Variants in VRTN observed in about 807,000 individuals in gnomAD.
The protein encoded by VRTN is vertnin.
A neutral mutation model predicts 18.2 loss-of-function variants in VRTN; 5 were observed. The observed-to-expected ratio is 0.27, with a 90% CI of 0.14 to 0.58. VRTN has a LOEUF of 0.58. Among genes scored for constraint, VRTN ranks in the 20% least tolerant of loss-of-function variants. The pLI is 0.91. For missense variants in VRTN, 741 were observed against 939.4 expected (o/e 0.79, Z 2.76); for synonymous variants, 381 against 393.7 (o/e 0.97, Z 0.38).
Position 74,357,109 on chromosome 14 carries a change from T to C in VRTN, c.326T>C (p.Val109Ala). The change falls in exon 2 of 2, where the codon GTG becomes GCG. Residue 109 changes from valine to alanine, a missense_variant. Physicochemically the swap from Val to Ala is moderately conservative, Grantham distance 64. Coordinates refer to ENST00000256362, the MANE Select transcript of VRTN (RefSeq NM_018228.3). This position sits in a 1 kb window ranked among gnomAD's most constrained non-coding sequence, Gnocchi z 7.8. Reference protein sequence around the residue: ...GLSLELRARTVVEMLLHRHYY... With the variant: ...GLSLELRARTAVEMLLHRHYY... ...AGCCTGGAGCTGCGGGCCCGCACCG[T>C]GGTAGAGATGCTGCTGCACAGACAC... 1 of 1,602,134 alleles carries C rather than the reference T, an allele frequency of 6.2e-7. No homozygotes were observed. The highest frequency in any genetic ancestry group is 8.5e-7 in the Non-Finnish European group (1 of 1,176,420).
At chr14:74,334,825 T>G (rs1330965054) in intron 1 of VRTN, among the ~76,000 whole-genome samples, 1 of 152,184 alleles carries the variant, frequency 6.6e-6, no homozygotes, top group Non-Finnish European at 1.5e-5. Flanking sequence ...GCCGCCCACC[T>G]CTGAGCTCCT....
At position 74,357,066 on chromosome 14, in the gene VRTN, TG is replaced by T; in HGVS notation, c.287del (p.Gly96ValfsTer15). 1 of 1,608,678 alleles carries T rather than the reference TG, an allele frequency of 6.2e-7. No individual in the cohort carries two copies. On this transcript the variant is annotated frameshift_variant, in exon 2 of 2. Coordinates refer to ENST00000256362, the MANE Select transcript of VRTN (RefSeq NM_018228.3). LOFTEE classifies it high-confidence loss of function. The surrounding 1 kb of genome is among the most constrained non-coding windows in gnomAD (Gnocchi z 7.8). ...LLFEAASMLL[W>X]GDAGLSLELR... is the part of the protein sequence containing the mutation. ...GTTCGAGGCGGCCAGCATGCTGCTG[TG>T]GGGTGACGCAGGCCTCAGCCTGGAG...
chr14:74,315,385 A>C (rs1358173735), intron 1 of VRTN, among the ~76,000 whole-genome samples: 1 of 152,106 alleles, frequency 6.6e-6, no homozygotes, highest in Non-Finnish European at 1.5e-5. Flanking sequence ...AGCAACAGTG[A>C]TAATTCGTTC....
intron 1 of VRTN, among the ~76,000 whole-genome samples, chr14:74,323,312 G>A (rs548338463): frequency 2.0e-5 from 3 of 151,698 alleles, no homozygotes; most frequent in East Asian, 2.0e-4. Flanking sequence ...GGCTGGGGGC[G>A]GTGGCTCATG....
At chr14:74,346,153 T>A (rs991508356), upstream of VRTN, among the ~76,000 whole-genome samples, 5 of 149,802 alleles carry the variant, frequency 3.3e-5, no homozygotes, top group Non-Finnish European at 5.9e-5. Flanking sequence ...AAAAAAAAAA[T>A]TTATCTGGGC....
chr14:74,320,403 G>A (rs1215953100), intron 1 of VRTN, among the ~76,000 whole-genome samples: 1 of 149,864 alleles, frequency 6.7e-6, no homozygotes, highest in Admixed American at 6.7e-5. Context: ...TGGGACTACA[G>A]GCGCCCGCCG....
chr14:74,314,111 A>T (rs1026279619), intron 1 of VRTN, among the ~76,000 whole-genome samples: 4 of 152,190 alleles, frequency 2.6e-5, no homozygotes, highest in African/African-American at 9.7e-5. Context: ...AGAGAAAAGC[A>T]TAAGCAATTT....
In VRTN at chr14:74,357,703, G is replaced by C; in HGVS notation, c.920G>C (p.Arg307Pro). 6.2e-7 allele frequency: 1 copy of C among 1,613,576 alleles called. No individual in the cohort carries two copies. The highest frequency in any genetic ancestry group is 8.5e-7 in the Non-Finnish European group (1 of 1,180,004). Reference protein sequence around the residue: ...YRWRRQSQEHRQKVAARFSAK... With the variant: ...YRWRRQSQEHPQKVAARFSAK... Reference sequence around the variant, plus strand: ...TGGCGGCGGCAGTCCCAGGAGCACCGGCAGAAGGTTGCTGCCCGCTTCTCC... The same window carrying C: ...TGGCGGCGGCAGTCCCAGGAGCACCCGCAGAAGGTTGCTGCCCGCTTCTCC... Residue 307 changes from arginine to proline, a missense_variant, in exon 2 of 2, where the codon CGG (arginine) becomes CCG (proline). Arg to Pro is a moderately radical substitution (Grantham distance 103). Around this residue, in one of 3 missense-constraint regions of VRTN, gnomAD observed 494 missense variants for 546.5 expected, o/e 0.90. Coordinates refer to ENST00000256362, the MANE Select transcript of VRTN (RefSeq NM_018228.3). This position sits in a 1 kb window ranked among gnomAD's most constrained non-coding sequence, Gnocchi z 7.8.
rs201579420 is a variant in VRTN, at chr14:74,357,760, G to A, written c.977G>A (p.Arg326Gln). 1.0e-4 allele frequency: 161 copies of A among 1,612,482 alleles called. No homozygotes were observed. The highest frequency in any genetic ancestry group is 8.8e-4 in the African/African-American group (66 of 75,022). ...CACTTCCTGCAGGACAGCTTCCACC[G>A]GGGGGGCGTCGTGCCACTTCAGCAG... Reference protein sequence around the residue: ...AKHFLQDSFHRGGVVPLQQFL... With the variant: ...AKHFLQDSFHQGGVVPLQQFL... The change falls in exon 2 of 2, where the codon CGG (arginine) becomes CAG (glutamine). Residue 326 changes from arginine to glutamine, a missense_variant. By Grantham distance (43) the Arg-to-Gln change is conservative. Coordinates refer to ENST00000256362, the MANE Select transcript of VRTN (RefSeq NM_018228.3). This position sits in a 1 kb window ranked among gnomAD's most constrained non-coding sequence, Gnocchi z 7.8.
chr14:74,307,772 C>T (rs977922235), intron 1 of VRTN, among the ~76,000 whole-genome samples: 1 of 151,882 alleles, frequency 6.6e-6, no homozygotes, highest in African/African-American at 2.4e-5. Flanking sequence ...GCTCTGTTGC[C>T]CAGGCTGGAG....
intron 1 of VRTN, among the ~76,000 whole-genome samples, chr14:74,331,699 G>T (rs538822149): frequency 6.7e-6 from 1 of 149,460 alleles, no homozygotes; most frequent in Non-Finnish European, 1.5e-5. Flanking sequence ...TAATTTTAGT[G>T]CCTGCAGAAT....
At chr14:74,334,564 T>C (rs775501461) in intron 1 of VRTN, among the ~76,000 whole-genome samples, 4 of 152,068 alleles carry the variant, frequency 2.6e-5, no homozygotes, top group Non-Finnish European at 4.4e-5. Flanking sequence ...GGGAGAAACA[T>C]AGCTTTTTGT....
chr14:74,330,396 T>C (rs1321671841), intron 1 of VRTN, among the ~76,000 whole-genome samples: 1 of 152,048 alleles, frequency 6.6e-6, no homozygotes, highest in East Asian at 1.9e-4. Context: ...ACTAGACTTA[T>C]GTAAGCACTC....
intron 1 of VRTN, among the ~76,000 whole-genome samples, chr14:74,333,134 G>A (rs2085539322): frequency 6.6e-6 from 1 of 152,298 alleles, no homozygotes; most frequent in South Asian, 2.1e-4. Context: ...TGTAATCCCA[G>A]CACTTTAGGA....
At chr14:74,336,893 T>C (rs1462482722) in intron 1 of VRTN, among the ~76,000 whole-genome samples, 1 of 152,210 alleles carries the variant, frequency 6.6e-6, no homozygotes, top group Non-Finnish European at 1.5e-5. Flanking sequence ...TGGCTTTAGA[T>C]CTTATCTAGA....
chr14:74,315,546 A>G (rs189143730), intron 1 of VRTN, among the ~76,000 whole-genome samples: 1 of 152,306 alleles, frequency 6.6e-6, no homozygotes, highest in African/African-American at 2.4e-5. Flanking sequence ...AAAACAATAC[A>G]ACAAAAAAGC....
At chr14:74,318,384 C>T (rs1054335464) in intron 1 of VRTN, among the ~76,000 whole-genome samples, 17 of 152,136 alleles carry the variant, frequency 1.1e-4, no homozygotes, top group Non-Finnish European at 2.4e-4. Context: ...GATTCTCCTG[C>T]CTCAGCCTCC....
chr14:74,355,865 C>G (rs1018055860), intron 1 of VRTN, among the ~76,000 whole-genome samples: 5 of 150,620 alleles, frequency 3.3e-5, no homozygotes, highest in Admixed American at 6.6e-5. Context: ...GAGTCTCATT[C>G]CTGTCACCCT....
At chr14:74,323,451 G>A (rs1404758796) in intron 1 of VRTN, among the ~76,000 whole-genome samples, 1 of 151,432 alleles carries the variant, frequency 6.6e-6, no homozygotes, top group African/African-American at 2.4e-5. Flanking sequence ...GGGCGTGGTG[G>A]TGGGCGCCTG....
Sources: gnomAD v4.1 joint callset for allele counts (sites outside exome capture counted in the v4.1 genomes callset) on GRCh38, gnomAD v4.1.1 for gene constraint, gnomAD v4.1.1 regional missense constraint, Gnocchi (gnomAD v3.1) non-coding constraint, MANE v1.5 for transcripts, NCBI Gene and HGNC (gene_info 2026-07-23, HGNC 2026-07-21) for gene names.